The following PDE3B variants were observed in gnomAD, a reference collection of about 807,000 sequenced individuals.
PDE3B encodes the protein phosphodiesterase 3B, also known as cGMP-inhibited 3',5'-cyclic phosphodiesterase 3B.
PDE3B carries 66 observed loss-of-function variants against 116.8 expected under a neutral mutation model. That is an observed-to-expected ratio of 0.56 (90% CI 0.46 to 0.69). The LOEUF (loss-of-function observed/expected upper bound fraction) is 0.69. Among genes scored for constraint, PDE3B ranks in the 30% least tolerant of loss-of-function variants. The pLI is 0.00. For synonymous variants in PDE3B, 595 were observed against 533.6 expected, an observed-to-expected ratio of 1.12 and a Z score of -1.59; for missense variants, 1,384 against 1,368.1, an observed-to-expected ratio of 1.01 and a Z score of -0.18.
At chr11:14,753,596 C>T (rs1280654452) in intron 1 of PDE3B, among the ~76,000 whole-genome samples, 1 of 152,048 alleles carries the variant, frequency 6.6e-6, no homozygotes, top group East Asian at 1.9e-4. Flanking sequence ...GCTGTATCTT[C>T]AGTATTTTCT....
intron 4 of PDE3B, among the ~76,000 whole-genome samples, chr11:14,800,401 G>A (rs1340072549): frequency 2.0e-5 from 3 of 152,100 alleles, no homozygotes; most frequent in Non-Finnish European, 2.9e-5. Flanking sequence ...GGAGGCGGAG[G>A]TGGCAGTGAG....
At chr11:14,659,341 G>A (rs1159166044) in intron 1 of PDE3B, among the ~76,000 whole-genome samples, 2 of 152,190 alleles carry the variant, frequency 1.3e-5, no homozygotes, top group Non-Finnish European at 2.9e-5. Flanking sequence ...ATGGTTCTCA[G>A]TTAACAAGTG....
At chr11:14,837,404 C>T (rs1860089096) in intron 11 of PDE3B, among the ~76,000 whole-genome samples, 1 of 152,138 alleles carries the variant, frequency 6.6e-6, no homozygotes, top group South Asian at 2.1e-4. Context: ...CAGACTACAC[C>T]TTCAATGCTT....
downstream of PDE3B, among the ~76,000 whole-genome samples, chr11:14,876,865 A>G (rs1848195043): frequency 6.6e-6 from 1 of 152,092 alleles, no homozygotes; most frequent in Admixed American, 6.6e-5. Context: ...CCTTCCTCCA[A>G]ATTCCCCTTT....
chr11:14,896,516 T>C, the PDE3B span, among the ~76,000 whole-genome samples: 2 of 152,216 alleles, frequency 1.3e-5, no homozygotes, highest in Non-Finnish European at 2.9e-5. Flanking sequence ...TTTCAAACAT[T>C]ACTATGTTTT....
chr11:14,644,725 G>A lies in PDE3B; in HGVS notation c.650G>A (p.Arg217Gln), dbSNP rs922539383. Residue 217 changes from arginine (R) to glutamine (Q), a missense_variant, in exon 1 of 16, where the codon CGG (arginine) becomes CAG (glutamine). By Grantham distance (43) the Arg-to-Gln change is conservative. Around this residue, in one of 2 missense-constraint regions of PDE3B, gnomAD observed 956 missense variants for 806.8 expected, o/e 1.18. Coordinates refer to ENST00000282096, the MANE Select transcript of PDE3B (RefSeq NM_000922.4). ...ACGCTCGCGCACCCGCTGCGGCTCC[G>A]GCACTGCGTTCTGGTGCTGCTCCTG... is the stretch of plus-strand genomic sequence containing the variant. ...LLTLAHPLRL[R>Q]HCVLVLLLAS... 7.7e-6 allele frequency: 12 copies of A among 1,555,468 alleles called. No individual in the cohort carries two copies. The Admixed American group carries it at 7.8e-5, about 10-fold the overall frequency.
At chr11:14,896,860 G>A in the PDE3B span, among the ~76,000 whole-genome samples, 1 of 152,180 alleles carries the variant, frequency 6.6e-6, no homozygotes, top group Admixed American at 6.5e-5. Context: ...CTTATATTGT[G>A]CTTCTGAAAA....
intron 1 of PDE3B, among the ~76,000 whole-genome samples, chr11:14,711,076 T>C (rs1855688441): frequency 6.6e-6 from 1 of 152,342 alleles, no homozygotes; most frequent in African/African-American, 2.4e-5. Context: ...TAAGATTTTT[T>C]CCATGTCACA....
intron 11 of PDE3B, among the ~76,000 whole-genome samples, chr11:14,840,197 A>G (rs567994649): frequency 8.5e-5 from 13 of 152,304 alleles, no homozygotes; most frequent in African/African-American, 3.1e-4. Flanking sequence ...TGGAGTCTCT[A>G]GAAGACCACT....
intron 1 of PDE3B, among the ~76,000 whole-genome samples, chr11:14,703,608 A>G (rs918991878): frequency 1.6e-4 from 24 of 151,780 alleles, no homozygotes; most frequent in Middle Eastern, 3.4e-3. Flanking sequence ...TGTTCTTTCT[A>G]TGTAACATTT....
Position 14,869,425 on chromosome 11 carries a change from G to T in PDE3B, c.3140-36G>T, listed in dbSNP as rs374776811. 107 of 1,527,168 alleles carry T rather than the reference G, an allele frequency of 7.0e-5. No homozygotes were observed. The African/African-American group carries it at 1.4e-3, about 19-fold the overall frequency. The allele number at this position is 1,527,168 out of a possible 1,614,324, so 94.6% of individuals were successfully genotyped here. A position where few individuals can be genotyped will look rare whatever the true frequency, so the allele number is the denominator to read the frequency against. ...ATTTGTTGAATGATTAAATCATATT[G>T]CTATGATTAGAATATATTTATTTTA... is the stretch of plus-strand genomic sequence containing the variant. On this transcript the variant is annotated intron_variant, in intron 15 of 15. Coordinates refer to ENST00000282096, the MANE Select transcript of PDE3B (RefSeq NM_000922.4).
intron 1 of PDE3B, among the ~76,000 whole-genome samples, chr11:14,760,903 C>G: frequency 6.6e-6 from 1 of 152,128 alleles, no homozygotes; most frequent in East Asian, 1.9e-4. Context: ...CAACATTTAT[C>G]TTTTCTTTGT....
chr11:14,688,731 G>T (rs1481058593), intron 1 of PDE3B, among the ~76,000 whole-genome samples: 2 of 152,076 alleles, frequency 1.3e-5, no homozygotes, highest in East Asian at 1.9e-4. Flanking sequence ...ATTACAGCTA[G>T]ATCTATGTGG....
chr11:14,829,781 C>T (rs918335203), intron 7 of PDE3B, among the ~76,000 whole-genome samples: 2 of 152,016 alleles, frequency 1.3e-5, no homozygotes, highest in African/African-American at 4.8e-5. Flanking sequence ...ATCTGTACAA[C>T]AAACTCCATG....
At chr11:14,701,094 A>G (rs1172396153) in intron 1 of PDE3B, among the ~76,000 whole-genome samples, 1 of 151,760 alleles carries the variant, frequency 6.6e-6, no homozygotes, top group East Asian at 1.9e-4. Flanking sequence ...TCTGTAAAAC[A>G]TATAGCGCTT....
At chr11:14,757,523 TG>T (rs1319208858) in intron 1 of PDE3B, among the ~76,000 whole-genome samples, 13 of 149,390 alleles carry the variant, frequency 8.7e-5, no homozygotes, top group Non-Finnish European at 1.5e-4. Flanking sequence ...TATCTCATTG[TG>T]GTTTTGATTT....
chr11:14,658,590 C>T (rs543036689), intron 1 of PDE3B, among the ~76,000 whole-genome samples: 7 of 152,184 alleles, frequency 4.6e-5, no homozygotes, highest in Admixed American at 2.0e-4. Flanking sequence ...CTCTTGACCT[C>T]GTGATCCGCC....
At chr11:14,813,506 G>A (rs1205659627) in intron 5 of PDE3B, among the ~76,000 whole-genome samples, 10 of 152,092 alleles carry the variant, frequency 6.6e-5, no homozygotes, top group African/African-American at 2.4e-4. Context: ...GGACTTAGCC[G>A]TGTGTGACTC....
chr11:14,795,052 TC>T (rs1202281543), intron 4 of PDE3B, among the ~76,000 whole-genome samples: 1 of 152,132 alleles, frequency 6.6e-6, no homozygotes, highest in Non-Finnish European at 1.5e-5. Context: ...CCCAGTCCTT[TC>T]TGGATTTTTA....
Sources: allele counts gnomAD v4.1 joint callset (sites outside exome capture counted in the v4.1 genomes callset), GRCh38; gene constraint gnomAD v4.1.1; regional missense constraint gnomAD v4.1.1; transcripts MANE v1.5; gene names NCBI Gene and HGNC (gene_info 2026-07-23, HGNC 2026-07-21).